The following RADX variants were observed in gnomAD, a reference collection of about 807,000 sequenced individuals.
RADX encodes the protein RPA-related protein RADX.
Under a neutral mutation model 61.6 loss-of-function variants are expected in RADX, and 36 were observed. The ratio of observed to expected loss-of-function variants is 0.58; its 90% CI spans 0.45 to 0.77. The LOEUF is 0.77. Among genes scored for constraint, RADX ranks in the 30% least tolerant of loss-of-function variants. The probability of loss-of-function intolerance (pLI) is 0.00; values close to 1 mark genes in which losing one functional copy is unlikely to be tolerated. For missense variants in RADX, 497 were observed against 651.1 expected (o/e 0.76, Z 2.58); for synonymous variants, 272 against 237.9 (o/e 1.14, Z -1.32).
intron 6 of RADX, among the ~76,000 whole-genome samples, chrX:106,634,819 T>C (rs974738841): frequency 8.9e-6 from 1 of 112,243 alleles, no homozygotes; most frequent in Non-Finnish European, 1.9e-5. Flanking sequence ...AGCTTCCTTT[T>C]TGTTTGTTTG....
At chrX:106,644,202 A>G (rs1190584096) in intron 10 of RADX, among the ~76,000 whole-genome samples, 2 of 111,565 alleles carry the variant, frequency 1.8e-5, no homozygotes, top group Non-Finnish European at 3.8e-5. Context: ...CAAATATAAA[A>G]TCATATCCTC....
intron 8 of RADX, chrX:106,638,587 A>C (rs1431160463): frequency 1.8e-5 from 2 of 112,513 alleles, no homozygotes; most frequent in Non-Finnish European, 3.7e-5. Context: ...TGAGTACTGA[A>C]GTGACACTCA....
At chrX:106,660,102 T>C (rs1430408511) in intron 11 of RADX, among the ~76,000 whole-genome samples, 1 of 111,989 alleles carries the variant, frequency 8.9e-6, no homozygotes, top group Non-Finnish European at 1.9e-5. Flanking sequence ...CTTTTATTAG[T>C]TTGAGAAGAG....
At chrX:106,639,944 C>A in intron 9 of RADX, 1 of 170,613 alleles carries the variant, frequency 5.9e-6, no homozygotes. Flanking sequence ...TATTTGGGGG[C>A]AGACTAGGCC....
chrX:106,674,245 C>T (rs1297208514), intron 13 of RADX, among the ~76,000 whole-genome samples: 1 of 111,082 alleles, frequency 9.0e-6, no homozygotes. Context: ...CCTTCTATTC[C>T]GCCCTCCTGC....
chrX:106,624,740 A>G (rs955097373), intron 2 of RADX, among the ~76,000 whole-genome samples: 2 of 111,915 alleles, frequency 1.8e-5, no homozygotes, highest in Non-Finnish European at 3.8e-5. Flanking sequence ...CCCAAAATGT[A>G]TATTCATCAT....
In RADX at chrX:106,637,703, T is replaced by A; in HGVS notation, c.1409-57T>A. ...TTTTACACAAAAATTTGCATACAGA[T>A]TGTTACAGTGACATTTTTATTTCTC... On this transcript the variant is annotated intron_variant, in intron 7 of 13. Coordinates refer to ENST00000372548, the MANE Select transcript of RADX (RefSeq NM_018015.6). 3.0e-6 allele frequency: 3 copies of A among 1,014,781 alleles called. No homozygotes were observed. The South Asian group carries it at 8.2e-5, about 28-fold the overall frequency. The allele number at this position is 1,014,781 out of a possible 1,213,427, so 83.6% of individuals were successfully genotyped here. A position where few individuals can be genotyped will look rare whatever the true frequency, so the allele number is the denominator to read the frequency against.
chrX:106,633,697 G>A (rs185975293), intron 6 of RADX, among the ~76,000 whole-genome samples: 5 of 111,599 alleles, frequency 4.5e-5, no homozygotes, highest in South Asian at 3.7e-4. Context: ...GTATGGTTCC[G>A]GTCGAATATT....
intron 10 of RADX, among the ~76,000 whole-genome samples, chrX:106,642,045 G>C (rs1373042087): frequency 9.0e-6 from 1 of 111,041 alleles, no homozygotes; most frequent in Non-Finnish European, 1.9e-5. Flanking sequence ...CGGGTGCACA[G>C]CAGTTTTTGG....
chrX:106,654,699 G>T (rs1425351495), intron 11 of RADX, among the ~76,000 whole-genome samples: 2 of 111,670 alleles, frequency 1.8e-5, no homozygotes, highest in East Asian at 5.7e-4. Context: ...CATGGGCAAA[G>T]ACTTAGGAAT....
intron 2 of RADX, among the ~76,000 whole-genome samples, chrX:106,624,564 T>C (rs900143395): frequency 3.6e-5 from 4 of 111,788 alleles, no homozygotes; most frequent in Non-Finnish European, 7.5e-5. Context: ...ATGTGAGGAT[T>C]GAATTAGTAA....
rs777544059 is a variant in RADX at position 106,639,634 on chromosome X, T to G, written c.1681T>G (p.Tyr561Asp). ...AIQGIITAIKYIPHSSATESA... is the reference protein window; with the variant it reads ...AIQGIITAIKDIPHSSATESA... ...TCAGGGGATAATTACTGCTATAAAG[T>G]ATATCCCCCATAGCAGTGCGACTGA... Residue 561 changes from tyrosine to aspartate, a missense_variant, in exon 9 of 14, where the codon TAT becomes GAT. Tyr to Asp is a radical substitution (Grantham distance 160, BLOSUM62 -3). Transcript: ENST00000372548. 2 of 1,199,752 alleles carry G rather than the reference T, an allele frequency of 1.7e-6. No individual in the cohort carries two copies. The highest frequency in any genetic ancestry group is 3.6e-5 in the South Asian group (2 of 55,321).
intron 13 of RADX, among the ~76,000 whole-genome samples, chrX:106,675,736 C>T (rs769036906): frequency 8.9e-6 from 1 of 112,080 alleles, no homozygotes; most frequent in African/African-American, 3.2e-5. Flanking sequence ...GTAATTCTAG[C>T]AATTTAAAAT....
At chrX:106,621,852 C>T (rs774767048) in intron 1 of RADX, among the ~76,000 whole-genome samples, 11 of 108,124 alleles carry the variant, frequency 1.0e-4, no homozygotes, top group East Asian at 2.9e-4. Context: ...GTCATGTTTG[C>T]GGGAGATAGA....
intron 13 of RADX, among the ~76,000 whole-genome samples, chrX:106,672,477 A>ACTCTCT (rs202133930): frequency 2.9e-5 from 3 of 105,092 alleles, no homozygotes; most frequent in South Asian, 4.1e-4. Context: ...TCCCAAAGAT[A>ACTCTCT]CTCTCTCTCT....
intron 12 of RADX, among the ~76,000 whole-genome samples, chrX:106,664,364 G>A (rs895162410): frequency 3.6e-5 from 4 of 110,707 alleles, no homozygotes; most frequent in Non-Finnish European, 5.7e-5. Flanking sequence ...TTCTCTAAAC[G>A]TATCATCTGT....
chrX:106,641,417 C>T (rs771209463), intron 10 of RADX, among the ~76,000 whole-genome samples: 1 of 110,998 alleles, frequency 9.0e-6, no homozygotes, highest in African/African-American at 3.3e-5. Context: ...TTCATCCATC[C>T]ATGATCATGG....
chrX:106,632,798 G>T, intron 4 of RADX, 65 bp downstream of exon 4: 1 of 945,361 alleles, frequency 1.1e-6, no homozygotes, highest in Non-Finnish European at 1.5e-6. Flanking sequence ...GAAAAACAAT[G>T]CATTATAATT....
chrX:106,657,293 C>T (rs1206296293), intron 11 of RADX, among the ~76,000 whole-genome samples: 1 of 112,198 alleles, frequency 8.9e-6, no homozygotes, highest in Non-Finnish European at 1.9e-5. Context: ...AGGTTAGGGC[C>T]TTGCTAGGAA....
Sources: allele counts gnomAD v4.1 joint callset (sites outside exome capture counted in the v4.1 genomes callset), GRCh38; gene constraint gnomAD v4.1.1; transcripts MANE v1.5; gene names NCBI Gene and HGNC (gene_info 2026-07-23, HGNC 2026-07-21).